Variants in SGCZ observed in about 807,000 individuals in gnomAD.
SGCZ encodes the protein zeta-sarcoglycan.
Under a neutral mutation model 41.3 loss-of-function variants are expected in SGCZ, and 40 were observed. The observed-to-expected ratio is 0.97, with a 90% CI of 0.75 to 1.26. The LOEUF is 1.26. Among genes scored for constraint, SGCZ ranks in the 50% most tolerant of loss-of-function variants. The probability of loss-of-function intolerance (pLI) is 0.00; values close to 1 mark genes in which losing one functional copy is unlikely to be tolerated. For synonymous variants in SGCZ, 206 were observed against 137.5 expected (o/e 1.50, Z -3.49); for missense variants, 552 against 369.8 (o/e 1.49, Z -4.04).
chr8:14,277,790 T>C (rs1412927124), intron 3 of SGCZ, among the ~76,000 whole-genome samples: 1 of 152,070 alleles, frequency 6.6e-6, no homozygotes, highest in Non-Finnish European at 1.5e-5. Context: ...TTCTCTGGAA[T>C]CTCCTTATCT....
At chr8:14,945,028 T>C (rs1035544166) in intron 1 of SGCZ, among the ~76,000 whole-genome samples, 1 of 152,004 alleles carries the variant, frequency 6.6e-6, no homozygotes, top group African/African-American at 2.4e-5. Flanking sequence ...GAAGCCTCAC[T>C]TCCACTTCCA....
chr8:15,230,729 G>A (rs1427187819), intron 1 of SGCZ, among the ~76,000 whole-genome samples: 1 of 152,140 alleles, frequency 6.6e-6, no homozygotes, highest in East Asian at 1.9e-4. Context: ...CAACTGCAGA[G>A]GCCAAAGGCA....
intron 1 of SGCZ, among the ~76,000 whole-genome samples, chr8:15,189,331 A>C (rs1800453457): frequency 6.6e-6 from 1 of 152,198 alleles, no homozygotes; most frequent in South Asian, 2.1e-4. Flanking sequence ...TTTATTGTAC[A>C]AAAGCAAACA....
rs529984975 is a variant in SGCZ, at chr8:14,191,337, T to A, written c.425-26635A>T. ...CTTTGCTGTGTTGAAAGTTTTTAGT[T>A]TGATACAACCTCACTTATTTTTGCT... On this transcript the variant is annotated intron_variant, in intron 4 of 7. Coordinates refer to ENST00000382080, the MANE Select transcript of SGCZ (RefSeq NM_139167.4). 1.2e-3 allele frequency among the ~76,000 whole-genome samples: 183 copies of A among 152,316 alleles called. 1 individual carries two copies. The highest frequency in any genetic ancestry group is 2.1e-3 in the Non-Finnish European group (144 of 68,016).
At chr8:14,601,158 T>A (rs1397018717) in intron 1 of SGCZ, among the ~76,000 whole-genome samples, 1 of 151,926 alleles carries the variant, frequency 6.6e-6, no homozygotes, top group Non-Finnish European at 1.5e-5. Context: ...TTTGGTAGGT[T>A]CAATAACATT....
intron 3 of SGCZ, among the ~76,000 whole-genome samples, chr8:14,265,644 A>G (rs1315123848): frequency 1.3e-5 from 2 of 152,118 alleles, no homozygotes; most frequent in Non-Finnish European, 2.9e-5. Context: ...TACTCATTTA[A>G]TAAGGATGCA....
intron 2 of SGCZ, among the ~76,000 whole-genome samples, chr8:14,338,789 A>T (rs113381161): frequency 1.3e-4 from 20 of 152,128 alleles, no homozygotes; most frequent in Admixed American, 6.6e-5. Context: ...TAAATTGCCA[A>T]TTTGAAAATT....
intron 1 of SGCZ, among the ~76,000 whole-genome samples, chr8:15,167,362 G>C (rs1799696517): frequency 6.6e-6 from 1 of 152,302 alleles, no homozygotes; most frequent in Admixed American, 6.5e-5. Flanking sequence ...CATCTACGTA[G>C]TCCCTGTACA....
In SGCZ at chr8:15,043,079, G is replaced by C. The variant is rs146266428; in HGVS notation, c.39+194506C>G. Among the ~76,000 whole-genome samples the C allele has an allele frequency of 7.2e-5, 11 of 152,278 alleles. No homozygotes were observed. The East Asian group carries it at 2.1e-3, about 29-fold the overall frequency. On this transcript the variant is annotated intron_variant, in intron 1 of 7. Transcript: ENST00000382080. ...CTGTCATGGTAACACTCTCCATCCA[G>C]AGCAAGGGCACAAAATGGTTTACAA...
chr8:14,285,195 C>G (rs1002430546), intron 3 of SGCZ, among the ~76,000 whole-genome samples: 1 of 152,134 alleles, frequency 6.6e-6, no homozygotes, highest in African/African-American at 2.4e-5. Flanking sequence ...AAATCTCCAG[C>G]TGTTCCACAT....
At chr8:14,313,878 G>A (rs922081637) in intron 3 of SGCZ, among the ~76,000 whole-genome samples, 3 of 151,200 alleles carry the variant, frequency 2.0e-5, no homozygotes, top group Middle Eastern at 3.2e-3. Context: ...CTTTCTTGGG[G>A]AAAGACAAAA....
chr8:14,569,350 G>T (rs1332906723), intron 1 of SGCZ, among the ~76,000 whole-genome samples: 1 of 152,044 alleles, frequency 6.6e-6, no homozygotes, highest in East Asian at 1.9e-4. Flanking sequence ...AGATCTCTTT[G>T]TGTGGGTCCT....
chr8:15,054,857 G>A (rs891706008), intron 1 of SGCZ, among the ~76,000 whole-genome samples: 5 of 151,910 alleles, frequency 3.3e-5, no homozygotes, highest in Admixed American at 1.3e-4. Context: ...AGCTACTTGG[G>A]AGGCTGAGGC....
chr8:14,230,237 T>C (rs1806513425), intron 4 of SGCZ, among the ~76,000 whole-genome samples: 1 of 152,014 alleles, frequency 6.6e-6, no homozygotes, highest in Non-Finnish European at 1.5e-5. Flanking sequence ...GTGGAGACAA[T>C]CTAGCAAAAC....
chr8:14,284,965 A>G (rs1378063558), intron 3 of SGCZ, among the ~76,000 whole-genome samples: 4 of 152,074 alleles, frequency 2.6e-5, no homozygotes, highest in Non-Finnish European at 2.9e-5. Context: ...GGCATTTTCT[A>G]TAAAAGTCTA....
Position 14,454,834 on chromosome 8 carries a change from T to C in SGCZ, c.234+99898A>G, listed in dbSNP as rs138338578. ...GAGCAACTAAGTAGCCATTTAAAAA[T>C]ATTAAGGTTAAATATACATCTAACA... On this transcript the variant is annotated intron_variant, in intron 2 of 7. Transcript: ENST00000382080. Among the ~76,000 whole-genome samples, 1,041 of 152,222 alleles carry C rather than the reference T, an allele frequency of 6.8e-3. 6 individuals are homozygous for C. Among genetic ancestry groups the C allele is most frequent in the Non-Finnish European group, 0.011 (737 of 68,002 alleles).
chr8:14,726,920 T>G (rs567534607), intron 1 of SGCZ, among the ~76,000 whole-genome samples: 1 of 152,162 alleles, frequency 6.6e-6, no homozygotes, highest in Admixed American at 6.5e-5. Context: ...GGTAAAAAAC[T>G]TATGAGCTTC....
At chr8:14,949,071 T>C (rs961590858) in intron 1 of SGCZ, among the ~76,000 whole-genome samples, 13 of 152,142 alleles carry the variant, frequency 8.5e-5, no homozygotes, top group Non-Finnish European at 1.9e-4. Flanking sequence ...ACATTTCCAC[T>C]GAAACTTACA....
At chr8:14,571,657 T>C (rs1456291839) in intron 1 of SGCZ, among the ~76,000 whole-genome samples, 5 of 152,232 alleles carry the variant, frequency 3.3e-5, no homozygotes, top group Admixed American at 3.3e-4. Context: ...CAAGCTATAA[T>C]ATTTAATTCT....
Sources: allele counts gnomAD v4.1 joint callset (sites outside exome capture counted in the v4.1 genomes callset), GRCh38; gene constraint gnomAD v4.1.1; transcripts MANE v1.5; gene names NCBI Gene and HGNC (gene_info 2026-07-23, HGNC 2026-07-21).